PLOD3: variants seen among roughly 807,000 people sequenced by gnomAD.
PLOD3 encodes the protein multifunctional procollagen lysine hydroxylase and glycosyltransferase LH3.
In PLOD3, 73 loss-of-function variants were observed where a neutral mutation model predicts 96.9. The ratio of observed to expected loss-of-function variants is 0.75; its 90% CI spans 0.62 to 0.92. PLOD3 has a LOEUF of 0.92. PLOD3 is among the 40% of genes least tolerant of loss of function. The pLI, the probability that PLOD3 is intolerant of heterozygous loss-of-function variation, is 0.00. For missense variants in PLOD3, 1,004 were observed against 1,004.3 expected (o/e 1.00, Z 0.00); for synonymous variants, 454 against 413.7 (o/e 1.10, Z -1.18).
In PLOD3 at chr7:101,206,888, TTCA is replaced by T; in HGVS notation, c.1949_1951del (p.Met650del). 1 of 1,558,742 alleles carries T rather than the reference TTCA, an allele frequency of 6.4e-7. No homozygotes were observed. Among genetic ancestry groups the T allele is most frequent in the Non-Finnish European group, 8.7e-7 (1 of 1,150,814 alleles). ...GTCTGGCCGGTAGCGAACCACAAAGTTCATCACCGCCCGCGCCTGGGGGAGAGG... is the reference window on the plus strand; with the variant it reads ...GTCTGGCCGGTAGCGAACCACAAAGTTCACCGCCCGCGCCTGGGGGAGAGG... On this transcript the variant is annotated inframe_deletion, in exon 18 of 19. Coordinates refer to ENST00000223127, the MANE Select transcript of PLOD3 (RefSeq NM_001084.5).
chr7:101,215,661 A>G (rs560432577), intron 5 of PLOD3, among the ~76,000 whole-genome samples: 1 of 151,638 alleles, frequency 6.6e-6, no homozygotes, highest in Non-Finnish European at 1.5e-5. Flanking sequence ...AGCCTGGCTA[A>G]TTTTTTCTTT....
At position 101,212,339 on chromosome 7, in the gene PLOD3, C is replaced by T; in HGVS notation, c.1041G>A (p.Trp347Ter). ...VFHEPHIADSWPQLQDHFSAV... is the reference protein window; with the variant it reads ...VFHEPHIADS ...CTGAGAAGTGGTCCTGGAGCTGCGG[C>T]CAGGAGTCAGCGATGTGGGGTTCAT... Residue 347 changes from tryptophan (W) to a stop codon, truncating the protein, a stop_gained, in exon 10 of 19, where the codon TGG (tryptophan) becomes TGA (stop). Transcript: ENST00000223127. LOFTEE classifies it high-confidence loss of function. 6.2e-7 allele frequency: 1 copy of T among 1,613,826 alleles called. No homozygotes were observed. Among genetic ancestry groups the T allele is most frequent in the Non-Finnish European group, 8.5e-7 (1 of 1,179,946 alleles).
In PLOD3 at chr7:101,215,169, G is replaced by A. The variant is rs200794469; in HGVS notation, c.616-17C>T. ...GAGTTTCTCCTAAATGGAATGAGAT[G>A]CGATGGAGTGGTTAAAATGGAAGGA... is the stretch of plus-strand genomic sequence containing the variant. On this transcript the variant is annotated splice_polypyrimidine_tract_variant and intron_variant, in intron 5 of 18. Transcript: ENST00000223127. 3,117 of 1,563,240 alleles carry A rather than the reference G, an allele frequency of 2.0e-3. No homozygotes were observed. The highest frequency in any genetic ancestry group is 2.6e-3 in the Non-Finnish European group (2,930 of 1,133,704).
Position 101,212,305 on chromosome 7 carries a change from G to C in PLOD3, c.1075C>G (p.Leu359Val). ...CTCAGAGCCTCCTCCGGCCCCACGA[G>C]CTTCACAGCTGAGAAGTGGTCCTGG... ...QLQDHFSAVK[L>V]VGPEEALSPG... The change falls in exon 10 of 19, where the codon CTC (leucine) becomes GTC (valine). Residue 359 changes from leucine (L) to valine (V), a missense_variant. Around this residue, in one of 5 missense-constraint regions of PLOD3, gnomAD observed 690 missense variants for 650.2 expected, o/e 1.06. Coordinates refer to ENST00000223127, the MANE Select transcript of PLOD3 (RefSeq NM_001084.5). 6.2e-7 allele frequency: 1 copy of C among 1,613,922 alleles called. No homozygotes were observed. The highest frequency in any genetic ancestry group is 1.1e-5 in the South Asian group (1 of 91,076).
In PLOD3 at chr7:101,211,651, C is replaced by A. The variant is rs761849842; in HGVS notation, c.1298G>T (p.Ser433Ile). 2 of 1,607,190 alleles carry A rather than the reference C, an allele frequency of 1.2e-6. No homozygotes were observed. The highest frequency in any genetic ancestry group is 2.2e-5 in the South Asian group (2 of 89,692). Residue 433 changes from serine (S) to isoleucine (I), a missense_variant, in exon 12 of 19, where the codon AGC becomes ATC. By Grantham distance (142) the Ser-to-Ile change is moderately radical. Coordinates refer to ENST00000223127, the MANE Select transcript of PLOD3 (RefSeq NM_001084.5). Reference protein sequence around the residue: ...KLWSNFWGALSPDEYYARSED... With the variant: ...KLWSNFWGALIPDEYYARSED... Reference sequence around the variant, plus strand: ...GGAGCGGGCGTAGTACTCATCGGGGCTCAGGGCGCCCCAGAAGTTGGACCA... The same window carrying A: ...GGAGCGGGCGTAGTACTCATCGGGGATCAGGGCGCCCCAGAAGTTGGACCA...
Position 101,206,835 on chromosome 7 carries a change from CGTG to C in PLOD3, c.2002_2004del (p.His668del), listed in dbSNP as rs1798093062. 4 of 1,574,214 alleles carry C rather than the reference CGTG, an allele frequency of 2.5e-6. No individual in the cohort carries two copies. The highest frequency in any genetic ancestry group is 3.4e-6 in the Non-Finnish European group (4 of 1,159,628). ...ACGTTGAGGGTGAAGGTGGATGAGT[CGTG>C]GTGTGGCCGCAGAGACGGCTGCTCG... On this transcript the variant is annotated inframe_deletion, in exon 18 of 19. Transcript: ENST00000223127.
Position 101,210,339 on chromosome 7 carries a change from T to C in PLOD3, c.1606A>G (p.Asn536Asp). 6.2e-7 allele frequency: 1 copy of C among 1,613,792 alleles called. No homozygotes were observed. The highest frequency in any genetic ancestry group is 8.5e-7 in the Non-Finnish European group (1 of 1,179,688). Residue 536 changes from asparagine (N) to aspartate (D), a missense_variant, in exon 14 of 19, where the codon AAC becomes GAC. Coordinates refer to ENST00000223127, the MANE Select transcript of PLOD3 (RefSeq NM_001084.5). ...GTGGGGTCCCCACTCACGACGGGGTTGTCGAAGATCTGCCAGAGGTCGGGG... is the reference window on the plus strand; with the variant it reads ...GTGGGGTCCCCACTCACGACGGGGTCGTCGAAGATCTGCCAGAGGTCGGGG... The part of the protein sequence containing the change: ...LHPDLWQIFD[N>D]PVDWKEQYIH...
intron 16 of PLOD3, among the ~76,000 whole-genome samples, chr7:101,208,117 A>G (rs938038132): frequency 1.3e-5 from 2 of 152,138 alleles, no homozygotes; most frequent in Non-Finnish European, 2.9e-5. Context: ...CTTTTTTTAG[A>G]GACAGAGTCT....
chr7:101,208,395 C>T (rs926890661), intron 16 of PLOD3, among the ~76,000 whole-genome samples: 4 of 151,678 alleles, frequency 2.6e-5, no homozygotes, highest in African/African-American at 7.3e-5. Flanking sequence ...GCGCCCGCCA[C>T]CATGCCCGGC....
chr7:101,216,132 GC>G (rs1185872698), intron 4 of PLOD3, 30 bp downstream of exon 4: 3 of 1,613,656 alleles, frequency 1.9e-6, no homozygotes, highest in Non-Finnish European at 8.5e-7. Flanking sequence ...ACCGCTCTTG[GC>G]CCCTCTGCCT....
In PLOD3 at chr7:101,211,895, C is replaced by T. The variant is rs969774203; in HGVS notation, c.1183G>A (p.Ala395Thr). Residue 395 changes from alanine to threonine, a missense_variant, in exon 11 of 19, where the codon GCT becomes ACT. Physicochemically the swap from Ala to Thr is moderately conservative, Grantham distance 58. Around this residue, in one of 5 missense-constraint regions of PLOD3, gnomAD observed 690 missense variants for 650.2 expected, o/e 1.06. Transcript: ENST00000223127. Reference sequence around the variant, plus strand: ...AGGGTCTGCAGGTTGGTGAGGACAGCGTCGGCGTCCAGGCTGAAGTAGAAC... The same window carrying T: ...AGGGTCTGCAGGTTGGTGAGGACAGTGTCGGCGTCCAGGCTGAAGTAGAAC... The part of the protein sequence containing the change: ...CEFYFSLDAD[A>T]VLTNLQTLRI... 5.6e-6 allele frequency: 9 copies of T among 1,612,394 alleles called. No homozygotes were observed. The highest frequency in any genetic ancestry group is 2.2e-5 in the South Asian group (2 of 90,730).
intron 6 of PLOD3, 102 bp from the exon 7 acceptor site, chr7:101,213,306 G>A (rs1175477260): frequency 1.3e-6 from 1 of 788,386 alleles, no homozygotes; most frequent in Non-Finnish European, 2.2e-6. Flanking sequence ...GGGAATAAAG[G>A]GACACCAGGG....
At position 101,207,665 on chromosome 7, in the gene PLOD3, C is replaced by A; in HGVS notation, c.1848G>T (p.Gln616His). 1 of 1,613,918 alleles carries A rather than the reference C, an allele frequency of 6.2e-7. No homozygotes were observed. The highest frequency in any genetic ancestry group is 2.2e-5 in the East Asian group (1 of 44,856). ...GCAGCCACTGGTCCTCGTACCCCACCTGCTTCATGTGGATGTCCACGGTGG... is the reference window on the plus strand; with the variant it reads ...GCAGCCACTGGTCCTCGTACCCCACATGCTTCATGTGGATGTCCACGGTGG... ...NVPTVDIHMK[Q>H]VGYEDQWLQL... The change falls in exon 17 of 19, where the codon CAG (glutamine) becomes CAT (histidine). Residue 616 changes from glutamine to histidine, a missense_variant. Coordinates refer to ENST00000223127, the MANE Select transcript of PLOD3 (RefSeq NM_001084.5).
In PLOD3 at chr7:101,206,795, T is replaced by C. The variant is rs766827103; in HGVS notation, c.2045A>G (p.Lys682Arg). 1.3e-6 allele frequency: 2 copies of C among 1,583,920 alleles called. No individual in the cohort carries two copies. The highest frequency in any genetic ancestry group is 1.7e-6 in the Non-Finnish European group (2 of 1,164,888). Residue 682 changes from lysine (K) to arginine (R), a missense_variant, in exon 18 of 19, where the codon AAG becomes AGG. Physicochemically the swap from Lys to Arg is conservative, Grantham distance 26. Around this residue, in one of 5 missense-constraint regions of PLOD3, gnomAD observed 222 missense variants for 220.4 expected, o/e 1.01. Coordinates refer to ENST00000223127, the MANE Select transcript of PLOD3 (RefSeq NM_001084.5). ...TFTLNVALNH[K>R]GLDYEGGGCR... is the part of the protein sequence containing the mutation. ...GGGGCGCACCTCATAGTCCAGGCCC[T>C]TGTGGTTGAGGGCAACGTTGAGGGT... is the stretch of plus-strand genomic sequence containing the variant.
rs1309876269 is a variant in PLOD3, at chr7:101,212,394, G to T, written c.1006-20C>A. 6.2e-7 allele frequency: 1 copy of T among 1,612,792 alleles called. No homozygotes were observed. On this transcript the variant is annotated intron_variant, in intron 9 of 18. Coordinates refer to ENST00000223127, the MANE Select transcript of PLOD3 (RefSeq NM_001084.5). The stretch of plus-strand genomic sequence containing the variant: ...GACCTCCTGGGAGGGGAAGACATAG[G>T]GGGATGGGCTCAGAGGGCAGGGAGG...
rs1054698536 is a variant in PLOD3 at position 101,206,038 on chromosome 7, G to A, written c.*243C>T. ...CTGCGGAACATTAATAATTTATCAC[G>A]CGGGGAGTCCCCAGAAGCCCTGTGC... On this transcript the variant is annotated 3_prime_UTR_variant, in exon 19 of 19. Transcript: ENST00000223127. 49 of 596,550 alleles carry A rather than the reference G, an allele frequency of 8.2e-5. No individual in the cohort carries two copies. Among genetic ancestry groups the A allele is most frequent in the Non-Finnish European group, 1.4e-4 (48 of 334,998 alleles). The allele number at this position is 596,550 out of a possible 1,614,324, so 37.0% of individuals were successfully genotyped here. A position where few individuals can be genotyped will look rare whatever the true frequency, so the allele number is the denominator to read the frequency against.
In PLOD3 at chr7:101,217,478, G is replaced by A. The variant is rs1314652049; in HGVS notation, c.-204C>T. ...CTCCAGATGCCGGCGCCACAGACAAGGCGAGGATTGTCCCGGGCGCACGGG... is the reference window on the plus strand; with the variant it reads ...CTCCAGATGCCGGCGCCACAGACAAAGCGAGGATTGTCCCGGGCGCACGGG... On this transcript the variant is annotated 5_prime_UTR_variant, in exon 1 of 19. Coordinates refer to ENST00000223127, the MANE Select transcript of PLOD3 (RefSeq NM_001084.5). The A allele has an allele frequency of 1.9e-6, 1 of 527,358 alleles. No homozygotes were observed. 32.7% of individuals were successfully genotyped at this position (527,358 alleles called of 1,614,324 possible).
intron 8 of PLOD3, 86 bp from the exon 9 acceptor site, chr7:101,212,741 G>A (rs1798206320): frequency 5.7e-6 from 9 of 1,589,626 alleles, no homozygotes; most frequent in South Asian, 1.1e-5. Flanking sequence ...CAGGTGCAGG[G>A]ACCCAGGAGC....
chr7:101,208,756 CCT>C, intron 16 of PLOD3, 95 bp downstream of exon 16: 1 of 824,294 alleles, frequency 1.2e-6, no homozygotes, highest in East Asian at 2.6e-5. Context: ...CCTGGGAACC[CCT>C]CTTTGCTCCC....
Sources: allele counts gnomAD v4.1 joint callset (sites outside exome capture counted in the v4.1 genomes callset), GRCh38; gene constraint gnomAD v4.1.1; regional missense constraint gnomAD v4.1.1; transcripts MANE v1.5; gene names NCBI Gene and HGNC (gene_info 2026-07-23, HGNC 2026-07-21).